MIOX: variants seen among roughly 807,000 people sequenced by gnomAD.
MIOX encodes inositol oxygenase.
Under a neutral mutation model 42.7 loss-of-function variants are expected in MIOX, and 51 were observed. The observed-to-expected ratio is 1.19, with a 90% confidence interval of 0.95 to 1.51. The LOEUF is 1.51. Among genes scored for constraint, MIOX ranks in the 40% most tolerant of loss-of-function variants. The pLI is 0.00. For missense variants in MIOX, 395 were observed against 381.3 expected, an observed-to-expected ratio of 1.04 and a Z score of -0.30; for synonymous variants, 168 against 154.4, an observed-to-expected ratio of 1.09 and a Z score of -0.65.
chr22:50,490,061 G>C lies in MIOX; in HGVS notation c.*205G>C, dbSNP rs1603437953. Reference sequence around the variant, plus strand: ...ATGTTGTGCTTCTGAAGCCCCACTGGGTGTTACTGCAGCAGGGCGTGGCCC... The same window carrying C: ...ATGTTGTGCTTCTGAAGCCCCACTGCGTGTTACTGCAGCAGGGCGTGGCCC... On this transcript the variant is annotated 3_prime_UTR_variant, in exon 10 of 10. Transcript: ENST00000216075. 1 of 595,890 alleles carries C rather than the reference G, an allele frequency of 1.7e-6. No individual in the cohort carries two copies. The highest frequency in any genetic ancestry group is 2.8e-5 in the East Asian group (1 of 35,552). 36.9% of individuals were successfully genotyped at this position (595,890 alleles called of 1,614,324 possible).
Position 50,489,628 on chromosome 22 carries a change from T to C in MIOX, c.733T>C (p.Trp245Arg), listed in dbSNP as rs150694066. 24 of 1,545,288 alleles carry C rather than the reference T, an allele frequency of 1.6e-5. No individual in the cohort carries two copies. Among genetic ancestry groups the C allele is most frequent in the East Asian group, 2.5e-5 (1 of 39,660 alleles). ...CSQQDLAMLP[W>R]VREFNKFDLY... ...CCAGCAGGACCTGGCCATGCTGCCC[T>C]GGGTGCGGGAGTTCAAGTACGCCCC... Residue 245 changes from tryptophan to arginine, a missense_variant, in exon 9 of 10, where the codon TGG becomes CGG. By Grantham distance (101) the Trp-to-Arg change is moderately radical (BLOSUM62 -3). Transcript: ENST00000216075.
At chr22:50,488,545 GCC>G (rs61657525) in intron 5 of MIOX, among the ~76,000 whole-genome samples, 2 of 32,752 alleles carry the variant, frequency 6.1e-5, no homozygotes, top group African/African-American at 1.1e-4. Context: ...ACCCCCCACG[GCC>G]CCCCCCACGG....
In MIOX at chr22:50,489,307, G is replaced by A. The variant is rs774962875; in HGVS notation, c.586+12G>A. 1.9e-6 allele frequency: 3 copies of A among 1,542,042 alleles called. No individual in the cohort carries two copies. Among genetic ancestry groups the A allele is most frequent in the East Asian group, 2.4e-5 (1 of 41,988 alleles). The stretch of plus-strand genomic sequence containing the variant: ...CTGGGGCCATGATGGTGAGGCCAGA[G>A]GCGGGCAGTGGGGCGGTGGGGGGCG... On this transcript the variant is annotated intron_variant, in intron 7 of 9. Transcript: ENST00000216075.
At chr22:50,487,198 C>T (rs1176509878) in intron 1 of MIOX, among the ~76,000 whole-genome samples, 187 bp from the exon 2 acceptor site, 1 of 152,190 alleles carries the variant, frequency 6.6e-6, no homozygotes, top group Non-Finnish European at 1.5e-5. Flanking sequence ...GGAGTGAGAG[C>T]TCCTGGGACT....
chr22:50,486,941 C>T (rs1569516305), intron 1 of MIOX, 29 bp downstream of exon 1: 3 of 1,613,104 alleles, frequency 1.9e-6, no homozygotes, highest in Admixed American at 3.3e-5. Context: ...TGCAGAGAGG[C>T]TCTGCTGACT....
chr22:50,487,400 CT>C lies in MIOX; in HGVS notation c.32del (p.Leu11ArgfsTer61), dbSNP rs761016826. MKVTVGPDPS[L>X]VYRPDVDPEV... ...ACCTACCCAGGGCCCAGACCCTTCC[CT>C]GGTCTACCGACCTGATGTGGACCCA... On this transcript the variant is annotated frameshift_variant, in exon 2 of 10. Transcript: ENST00000216075. LOFTEE classifies it high-confidence loss of function. 124 of 1,613,766 alleles carry C rather than the reference CT, an allele frequency of 7.7e-5. No individual in the cohort carries two copies. The South Asian group carries it at 1.3e-3, about 17-fold the overall frequency.
chr22:50,489,052 G>C lies in MIOX; in HGVS notation c.421G>C (p.Gly141Arg), dbSNP rs757707616. 1.2e-6 allele frequency: 2 copies of C among 1,609,524 alleles called. No homozygotes were observed. Among genetic ancestry groups the C allele is most frequent in the Non-Finnish European group, 1.7e-6 (2 of 1,179,770 alleles). ...LFGEPQWAVV[G>R]DTFPVGCRPQ... ...TGTCCCTCTGCAGTGGGCTGTCGTC[G>C]GCGACACCTTCCCCGTCGGATGCCG... The change falls in exon 6 of 10, where the codon GGC (glycine) becomes CGC (arginine). Residue 141 changes from glycine to arginine, a missense_variant. Coordinates refer to ENST00000216075, the MANE Select transcript of MIOX (RefSeq NM_017584.6).
rs759721870 is a variant in MIOX, at chr22:50,488,288, C to T, written c.354C>T (p.Leu118=). The change falls in exon 5 of 10, where the codon CTC becomes CTT. Residue 118 remains leucine (L), a synonymous_variant. Coordinates refer to ENST00000216075, the MANE Select transcript of MIOX (RefSeq NM_017584.6). ...KAHPDKDWFH[L]VGLLHDLGKV... ...TCCCCCTCCCAGACTGGTTCCACCT[C>T]GTCGGGCTCCTGCACGACCTGGGGA... 19 of 1,613,214 alleles carry T rather than the reference C, an allele frequency of 1.2e-5. No homozygotes were observed. The highest frequency in any genetic ancestry group is 1.4e-5 in the Non-Finnish European group (16 of 1,179,544).
chr22:50,489,119 A>C lies in MIOX; in HGVS notation c.488A>C (p.Asp163Ala). Residue 163 changes from aspartate to alanine, a missense_variant, in exon 6 of 10, where the codon GAC (aspartate) becomes GCC (alanine). By Grantham distance (126) the Asp-to-Ala change is moderately radical. Coordinates refer to ENST00000216075, the MANE Select transcript of MIOX (RefSeq NM_017584.6). Reference sequence around the variant, plus strand: ...GTTTTCTGCGACTCCACCTTCCAGGACAACCCTGACCTCCAGGATCCTCGA... The same window carrying C: ...GTTTTCTGCGACTCCACCTTCCAGGCCAACCCTGACCTCCAGGATCCTCGA... ...SVVFCDSTFQDNPDLQDPRYS... is the reference protein window; with the variant it reads ...SVVFCDSTFQANPDLQDPRYS... 2 of 1,613,168 alleles carry C rather than the reference A, an allele frequency of 1.2e-6. No individual in the cohort carries two copies. The highest frequency in any genetic ancestry group is 1.7e-6 in the Non-Finnish European group (2 of 1,179,894).
Position 50,490,235 on chromosome 22 carries a change from A to G in MIOX, c.*379A>G, listed in dbSNP as rs1202383228. On this transcript the variant is annotated 3_prime_UTR_variant, in exon 10 of 10. Transcript: ENST00000216075. ...GACGAGTCACCCAGCTCACCCCCAC[A>G]TGCTCAAAACAGTCACCAAGTCCTC... 1 of 283,198 alleles carries G rather than the reference A, an allele frequency of 3.5e-6. No individual in the cohort carries two copies. Among genetic ancestry groups the G allele is most frequent in the Non-Finnish European group, 6.9e-6 (1 of 145,148 alleles). 17.5% of individuals were successfully genotyped at this position (283,198 alleles called of 1,614,324 possible).
At chr22:50,488,732 A>G (rs1318074174) in intron 5 of MIOX, among the ~76,000 whole-genome samples, 1,146 of 47,434 alleles carry the variant, frequency 0.024, 4 homozygotes, top group Non-Finnish European at 0.035. Flanking sequence ...CACTTCCCCC[A>G]CGGCCCCCCA....
At position 50,489,513 on chromosome 22, in the gene MIOX, T is replaced by C. The variant is rs2068331952; in HGVS notation, c.637-19T>C. The C allele has an allele frequency of 1.2e-6, 2 of 1,612,252 alleles. No individual in the cohort carries two copies. The highest frequency in any genetic ancestry group is 1.7e-6 in the Non-Finnish European group (2 of 1,179,658). ...GGTCCTGCAGCCCCAAGTGAGCCGC[T>C]GGGTGGCCTTGCCCGCAGGCTTTCT... On this transcript the variant is annotated intron_variant, in intron 8 of 9. Transcript: ENST00000216075.
chr22:50,489,180 T>C, intron 6 of MIOX, 31 bp downstream of exon 6: 5 of 1,612,054 alleles, frequency 3.1e-6, no homozygotes, highest in Non-Finnish European at 4.2e-6. Context: ...CTGGGCCCCC[T>C]TCCCTGGGCG....
chr22:50,487,014 C>T (rs1430599213), intron 1 of MIOX, 102 bp downstream of exon 1: 20 of 1,483,564 alleles, frequency 1.3e-5, no homozygotes, highest in Non-Finnish European at 1.7e-5. Context: ...CCTCCTCCTC[C>T]GTCCAGCTGG....
chr22:50,489,143 G>C lies in MIOX; in HGVS notation c.512G>C (p.Arg171Pro). ...FQDNPDLQDP[R>P]YSTELGMYQP... is the part of the protein sequence containing the mutation. The stretch of plus-strand genomic sequence containing the variant: ...GACAACCCTGACCTCCAGGATCCTC[G>C]ATACAGGTGCTCCCTGCTGCTGAGG... Residue 171 changes from arginine (R) to proline (P), a missense_variant, in exon 6 of 10, where the codon CGA becomes CCA. Coordinates refer to ENST00000216075, the MANE Select transcript of MIOX (RefSeq NM_017584.6). The C allele has an allele frequency of 1.2e-6, 2 of 1,613,184 alleles. No individual in the cohort carries two copies. The highest frequency in any genetic ancestry group is 1.7e-6 in the Non-Finnish European group (2 of 1,179,878).
At chr22:50,488,393 G>C (rs1239683722) in intron 5 of MIOX, 51 bp downstream of exon 5, 1 of 1,475,322 alleles carries the variant, frequency 6.8e-7, no homozygotes, top group South Asian at 1.3e-5. Flanking sequence ...GGCAAGGTGG[G>C]GGTGGAGTGG....
chr22:50,487,548 G>T (rs1569516350), intron 2 of MIOX, 83 bp downstream of exon 2: 4 of 1,545,860 alleles, frequency 2.6e-6, no homozygotes, highest in Non-Finnish European at 2.7e-6. Context: ...GTTCCAGGGG[G>T]TGCCCTGTGG....
At chr22:50,487,763 C>T (rs200751611) in intron 3 of MIOX, 21 bp downstream of exon 3, 357 of 1,612,910 alleles carry the variant, frequency 2.2e-4, no homozygotes, top group Non-Finnish European at 2.8e-4. Context: ...CCTGCCGCCC[C>T]GTGCAAACGC....
Position 50,489,551 on chromosome 22 carries a change from T to C in MIOX, c.656T>C (p.Phe219Ser). Reference protein sequence around the residue: ...LPPEAFYMIRFHSFYPWHTGR... With the variant: ...LPPEAFYMIRSHSFYPWHTGR... Reference sequence around the variant, plus strand: ...CCGCAGGCTTTCTACATGATCCGGTTCCACTCCTTCTACCCCTGGCACACG... The same window carrying C: ...CCGCAGGCTTTCTACATGATCCGGTCCCACTCCTTCTACCCCTGGCACACG... Residue 219 changes from phenylalanine to serine, a missense_variant, in exon 9 of 10, where the codon TTC (phenylalanine) becomes TCC (serine). Phe to Ser is a radical substitution (Grantham distance 155). Coordinates refer to ENST00000216075, the MANE Select transcript of MIOX (RefSeq NM_017584.6). 6.2e-7 allele frequency: 1 copy of C among 1,612,702 alleles called. No individual in the cohort carries two copies. Among genetic ancestry groups the C allele is most frequent in the Non-Finnish European group, 8.5e-7 (1 of 1,179,866 alleles).
Sources: gnomAD v4.1 joint callset for allele counts (sites outside exome capture counted in the v4.1 genomes callset) on GRCh38, gnomAD v4.1.1 for gene constraint, MANE v1.5 for transcripts, NCBI Gene and HGNC (gene_info 2026-07-23, HGNC 2026-07-21) for gene names.